Variants in DAB1 observed in about 807,000 individuals in gnomAD.
The protein encoded by DAB1 is disabled homolog 1.
DAB1 carries 15 observed loss-of-function variants against 64.6 expected under a neutral mutation model. That is an observed-to-expected ratio of 0.23 (90% CI 0.16 to 0.36). DAB1 has a LOEUF of 0.36. Among genes scored for constraint, DAB1 ranks in the 10% least tolerant of loss-of-function variants. The pLI, the probability that DAB1 is intolerant of heterozygous loss-of-function variation, is 1.00. For synonymous variants in DAB1, 235 were observed against 251.9 expected, an observed-to-expected ratio of 0.93 and a Z score of 0.64; for missense variants, 596 against 706.7, an observed-to-expected ratio of 0.84 and a Z score of 1.78.
chr1:58,177,921 A>G (rs627564), intron 4 of DAB1, among the ~76,000 whole-genome samples: 1,724 of 152,310 alleles, frequency 0.011, 47 homozygotes, highest in African/African-American at 0.04. Flanking sequence ...CTCTGACATA[A>G]AAGAAGAGTG....
chr1:58,127,012 T>C, intron 5 of DAB1, among the ~76,000 whole-genome samples: 1 of 150,506 alleles, frequency 6.6e-6, no homozygotes, highest in Non-Finnish European at 1.5e-5. Context: ...TTTCTAGTTC[T>C]AGATCCCTGA....
At chr1:57,410,778 C>T (rs1684044774) in intron 1 of DAB1, among the ~76,000 whole-genome samples, 1 of 152,224 alleles carries the variant, frequency 6.6e-6, no homozygotes, top group African/African-American at 2.4e-5. Flanking sequence ...ATCAGGTTAA[C>T]CAAGTGGTTG....
At chr1:58,048,361 G>A in intron 5 of DAB1, 2 of 977,372 alleles carry the variant, frequency 2.0e-6, no homozygotes, top group Non-Finnish European at 1.7e-6. Flanking sequence ...AATCACTGTA[G>A]CTTCCACCAC....
chr1:57,602,764 T>A (rs939893702), intron 7 of DAB1, among the ~76,000 whole-genome samples: 3 of 152,004 alleles, frequency 2.0e-5, no homozygotes, highest in African/African-American at 4.8e-5. Flanking sequence ...TATAGAGCAT[T>A]CTAGATTTGA....
rs891237599 is a variant in DAB1, at chr1:57,866,976, C to T, written n.87+17023G>A. The T allele has an allele frequency of 3.3e-5, 5 of 152,174 alleles. No individual in the cohort carries two copies. In the East Asian group the frequency reaches 5.8e-4, roughly 18 times the overall value. 9.4% of individuals were successfully genotyped at this position (152,174 alleles called of 1,614,324 possible). On this transcript the variant is annotated intron_variant and non_coding_transcript_variant, in intron 1 of 1. Transcript: ENST00000477280. ...GTCACTACCTTTTTCCTCTTGGGCTCTCTCAGCCTTTGCCTTTCTGTTGGA... is the reference window on the plus strand; with the variant it reads ...GTCACTACCTTTTTCCTCTTGGGCTTTCTCAGCCTTTGCCTTTCTGTTGGA...
At chr1:58,168,806 T>C (rs1294268561) in intron 4 of DAB1, among the ~76,000 whole-genome samples, 1 of 152,182 alleles carries the variant, frequency 6.6e-6, no homozygotes, top group Admixed American at 6.5e-5. Context: ...CTCCACTTCA[T>C]TTTTGGGGCA....
At chr1:57,337,810 A>G (rs1391003058) in intron 1 of DAB1, among the ~76,000 whole-genome samples, 3 of 152,016 alleles carry the variant, frequency 2.0e-5, no homozygotes, top group African/African-American at 7.2e-5. Flanking sequence ...GTATTCCACT[A>G]GAAAGTTCCA....
intron 6 of DAB1, among the ~76,000 whole-genome samples, chr1:57,767,662 A>G (rs1020663587): frequency 6.6e-6 from 1 of 152,140 alleles, no homozygotes; most frequent in East Asian, 1.9e-4. Context: ...TGGCTACTCA[A>G]TAAATAATTA....
chr1:57,296,327 T>C (rs1673190004), intron 1 of DAB1, among the ~76,000 whole-genome samples: 1 of 152,168 alleles, frequency 6.6e-6, no homozygotes, highest in African/African-American at 2.4e-5. Flanking sequence ...ATATATGTGT[T>C]GATATGCAAC....
intron 4 of DAB1, among the ~76,000 whole-genome samples, chr1:57,124,383 C>T (rs1656940270): frequency 6.6e-6 from 1 of 151,976 alleles, no homozygotes; most frequent in Non-Finnish European, 1.5e-5. Flanking sequence ...TGAGATGATG[C>T]ATCTCAGTAT....
chr1:58,527,484 T>C (rs1301143470), intron 1 of DAB1: 2 of 579,828 alleles, frequency 3.4e-6, no homozygotes, highest in Non-Finnish European at 6.2e-6. Context: ...CTCCATGATA[T>C]AAAATATAAA....
chr1:57,111,364 C>A (rs1655638402), intron 4 of DAB1, among the ~76,000 whole-genome samples: 1 of 152,146 alleles, frequency 6.6e-6, no homozygotes, highest in African/African-American at 2.4e-5. Context: ...ACTGTTCAGA[C>A]ACTGTTTTCA....
At chr1:57,851,523 G>C (rs1653524140) in intron 1 of DAB1, among the ~76,000 whole-genome samples, 1 of 152,204 alleles carries the variant, frequency 6.6e-6, no homozygotes, top group African/African-American at 2.4e-5. Context: ...TGGCATAGCT[G>C]CAGGGCTGCT....
At chr1:58,529,889 A>AT (rs951248986) in intron 1 of DAB1, among the ~76,000 whole-genome samples, 30 of 151,024 alleles carry the variant, frequency 2.0e-4, no homozygotes, top group South Asian at 1.9e-3. Flanking sequence ...TTTTATTTTT[A>AT]TTTTTTTTTG....
chr1:57,733,665 C>T (rs575141254), intron 6 of DAB1, among the ~76,000 whole-genome samples: 2 of 152,142 alleles, frequency 1.3e-5, no homozygotes, highest in African/African-American at 4.8e-5. Context: ...AATAGAGAAC[C>T]TGAGGCTCAG....
Position 57,243,245 on chromosome 1 carries a change from A to T in DAB1, c.67+47719T>A, listed in dbSNP as rs559703356. ...TTTAATCATTCTTAAGGGCTGCCTC[A>T]CTTGGTGTAATTATGAGTGGTCCCT... On this transcript the variant is annotated intron_variant, in intron 2 of 14. Transcript: ENST00000371236. Among the ~76,000 whole-genome samples the T allele has an allele frequency of 4.6e-5, 7 of 152,294 alleles. No homozygotes were observed. The South Asian group carries it at 1.2e-3, about 27-fold the overall frequency.
In DAB1 at chr1:58,075,949, G is replaced by GCA. The variant is rs142916993; in HGVS notation, n.387+74560_387+74561dup. Among the ~76,000 whole-genome samples, 26 of 150,436 alleles carry GCA rather than the reference G, an allele frequency of 1.7e-4. No homozygotes were observed. In the East Asian group the frequency reaches 2.3e-3, roughly 14 times the overall value. On this transcript the variant is annotated intron_variant and non_coding_transcript_variant, in intron 5 of 20. Coordinates refer to the DAB1 transcript ENST00000485760. ...GTCTTTCTCTCTCTCTCTCTCACAG[G>GCA]CACACACACACACACAAACACAATA...
chr1:57,317,938 T>G (rs1478580704), intron 1 of DAB1, among the ~76,000 whole-genome samples: 1 of 152,204 alleles, frequency 6.6e-6, no homozygotes, highest in East Asian at 1.9e-4. Flanking sequence ...AGTCTGCTTT[T>G]GTGAAGATCA....
At chr1:57,354,172 T>G (rs960909071) in intron 1 of DAB1, among the ~76,000 whole-genome samples, 2 of 152,098 alleles carry the variant, frequency 1.3e-5, no homozygotes, top group African/African-American at 4.8e-5. Flanking sequence ...CAAACATAAC[T>G]ATTTTGCTCA....
Sources: allele counts gnomAD v4.1 joint callset (sites outside exome capture counted in the v4.1 genomes callset), GRCh38; gene constraint gnomAD v4.1.1; transcripts MANE v1.5; gene names NCBI Gene and HGNC (gene_info 2026-07-23, HGNC 2026-07-21).